TTC6: variants seen among roughly 807,000 people sequenced by gnomAD.
TTC6 encodes tetratricopeptide repeat protein 6.
Under a neutral mutation model 210.4 loss-of-function variants are expected in TTC6, and 172 were observed. The ratio of observed to expected loss-of-function variants is 0.82; its 90% CI spans 0.72 to 0.93. The LOEUF (loss-of-function observed/expected upper bound fraction) is 0.93, where lower values mean the gene tolerates loss of function less well. Among genes scored for constraint, TTC6 ranks in the 40% least tolerant of loss-of-function variants. The pLI is 0.00. For missense variants in TTC6, 2,414 were observed against 2,318.1 expected, an observed-to-expected ratio of 1.04 and a Z score of -0.85; for synonymous variants, 804 against 819.6, an observed-to-expected ratio of 0.98 and a Z score of 0.32.
chr14:37,693,886 T>C (rs2095809289), intron 3 of TTC6, among the ~76,000 whole-genome samples: 3 of 152,072 alleles, frequency 2.0e-5, no homozygotes. Flanking sequence ...TGCAGAAGAA[T>C]GAATCTAGAC....
intron 1 of TTC6, among the ~76,000 whole-genome samples, chr14:37,656,176 T>C (rs1308821843): frequency 1.3e-5 from 2 of 152,154 alleles, no homozygotes; most frequent in African/African-American, 4.8e-5. Flanking sequence ...AATCCAGGTG[T>C]AGCAGTGAAG....
intron 14 of TTC6, among the ~76,000 whole-genome samples, chr14:37,771,684 T>G (rs534169663): frequency 1.3e-5 from 2 of 152,272 alleles, no homozygotes; most frequent in East Asian, 1.9e-4. Flanking sequence ...TCTGTATTGG[T>G]TATTCTAGTT....
intron 13 of TTC6, among the ~76,000 whole-genome samples, chr14:37,752,612 A>T (rs1021420741): frequency 1.3e-5 from 2 of 151,658 alleles, no homozygotes; most frequent in Non-Finnish European, 1.5e-5. Flanking sequence ...TTGATATATG[A>T]TTTAGTCTGT....
At chr14:37,779,201 GC>G (rs1249395873) in intron 14 of TTC6, among the ~76,000 whole-genome samples, 1 of 152,130 alleles carries the variant, frequency 6.6e-6, no homozygotes, top group East Asian at 1.9e-4. Context: ...GTAGCCCCAT[GC>G]AGGGTTCCCA....
chr14:37,620,106 G>C (rs908160087), upstream of TTC6, among the ~76,000 whole-genome samples: 1 of 151,988 alleles, frequency 6.6e-6, no homozygotes, highest in Non-Finnish European at 1.5e-5. Context: ...TACCATTATA[G>C]TAAAAAAATT....
chr14:37,785,523 C>T (rs1213633771), intron 14 of TTC6, among the ~76,000 whole-genome samples: 1 of 152,116 alleles, frequency 6.6e-6, no homozygotes, highest in South Asian at 2.1e-4. Context: ...TTCGTGTAAT[C>T]TTTTCTCAAG....
At chr14:37,677,515 G>T (rs1450986693) in intron 1 of TTC6, among the ~76,000 whole-genome samples, 2 of 151,822 alleles carry the variant, frequency 1.3e-5, no homozygotes, top group Admixed American at 1.3e-4. Context: ...TATAATTAGT[G>T]GTTTTTATTA....
rs150594117 is a variant in TTC6, at chr14:37,785,140, C to T, written c.3267-2328C>T. Among the ~76,000 whole-genome samples, 945 of 152,266 alleles carry T rather than the reference C, an allele frequency of 6.2e-3. 14 individuals carry two copies. The highest frequency in any genetic ancestry group is 0.021 in the African/African-American group (884 of 41,534). ...TCAAGGGGTATCTTTGTGACATTCTCTGTGTTTCCTGAATTTGAATGGTAG... is the reference window on the plus strand; with the variant it reads ...TCAAGGGGTATCTTTGTGACATTCTTTGTGTTTCCTGAATTTGAATGGTAG... On this transcript the variant is annotated intron_variant, in intron 14 of 30. Coordinates refer to ENST00000553443, the Ensembl canonical transcript of TTC6.
chr14:37,728,417 CAAA>C (rs5807966), intron 7 of TTC6, among the ~76,000 whole-genome samples: 158 of 148,044 alleles, frequency 1.1e-3, no homozygotes, highest in Admixed American at 1.2e-3. Context: ...CTATCACTAC[CAAA>C]AAAAAAAAAA....
At chr14:37,794,413 G>A (rs1455727687) in intron 17 of TTC6, among the ~76,000 whole-genome samples, 2 of 152,000 alleles carry the variant, frequency 1.3e-5, no homozygotes, top group African/African-American at 2.4e-5. Context: ...TCATTGTGCC[G>A]TAACAATAAA....
intron 1 of TTC6, among the ~76,000 whole-genome samples, chr14:37,623,205 C>G (rs1321021933): frequency 6.6e-6 from 1 of 152,128 alleles, no homozygotes; most frequent in African/African-American, 2.4e-5. Context: ...GTCTTATCCT[C>G]TTTTCAAAGT....
chr14:37,666,201 G>A (rs2138441230), intron 1 of TTC6, among the ~76,000 whole-genome samples: 1 of 150,180 alleles, frequency 6.7e-6, no homozygotes, highest in African/African-American at 2.4e-5. Flanking sequence ...CTTCATGGCT[G>A]TGGTCCTTCC....
chr14:37,626,013 C>T (rs1014142758), intron 1 of TTC6, among the ~76,000 whole-genome samples: 10 of 152,098 alleles, frequency 6.6e-5, no homozygotes, highest in African/African-American at 1.9e-4. Flanking sequence ...TCAAGGCATC[C>T]GTGGCTTCTA....
chr14:37,719,671 C>T (rs930047588), intron 6 of TTC6, among the ~76,000 whole-genome samples: 2 of 152,004 alleles, frequency 1.3e-5, no homozygotes, highest in African/African-American at 4.8e-5. Flanking sequence ...GAACCCTGAC[C>T]TAAGTCTTGC....
intron 13 of TTC6, among the ~76,000 whole-genome samples, chr14:37,751,681 C>T (rs1267045324): frequency 3.3e-5 from 5 of 152,080 alleles, no homozygotes; most frequent in Non-Finnish European, 5.9e-5. Flanking sequence ...TTCACTCATT[C>T]GCTTGCTTGA....
chr14:37,842,047 C>A lies in TTC6; in HGVS notation c.5525-108C>A, dbSNP rs998830932. On this transcript the variant is annotated intron_variant, in intron 30 of 30. Coordinates refer to ENST00000553443, the Ensembl canonical transcript of TTC6. ...AAAGTATTAAAGTTCTTGATTTCAT[C>A]CATTGAGTTAATTTTTTTAAAAGTT... 3 of 938,546 alleles carry A rather than the reference C, an allele frequency of 3.2e-6. No homozygotes were observed. The African/African-American group carries it at 5.1e-5, about 16-fold the overall frequency. 58.1% of individuals were successfully genotyped at this position (938,546 alleles called of 1,614,324 possible). A position where few individuals can be genotyped will look rare whatever the true frequency, so the allele number is the denominator to read the frequency against.
intron 7 of TTC6, among the ~76,000 whole-genome samples, chr14:37,728,877 G>A (rs1222333018): frequency 6.6e-6 from 1 of 152,162 alleles, no homozygotes; most frequent in Non-Finnish European, 1.5e-5. Flanking sequence ...ATGACATAAA[G>A]AGCATTCCCC....
At chr14:37,650,309 T>C (rs113676880) in intron 1 of TTC6, among the ~76,000 whole-genome samples, 84 of 152,350 alleles carry the variant, frequency 5.5e-4, no homozygotes, top group South Asian at 1.4e-3. Context: ...TGCATTCAGC[T>C]GTGTTTTGAA....
At chr14:37,629,402 CTGTT>C (rs1287824522) in intron 1 of TTC6, among the ~76,000 whole-genome samples, 9 of 152,044 alleles carry the variant, frequency 5.9e-5, no homozygotes, top group South Asian at 4.2e-4. Context: ...ATTTGGCTCT[CTGTT>C]TGTCTATTAT....
Sources: gnomAD v4.1 joint callset for allele counts (sites outside exome capture counted in the v4.1 genomes callset) on GRCh38, gnomAD v4.1.1 for gene constraint, MANE v1.5 for transcripts, NCBI Gene and HGNC (gene_info 2026-07-23, HGNC 2026-07-21) for gene names.